Variants in TSC1 observed in about 807,000 individuals in gnomAD.
TSC1 encodes hamartin.
A neutral mutation model predicts 124.3 loss-of-function variants in TSC1; 20 were observed. The observed-to-expected ratio is 0.16, with a 90% CI of 0.11 to 0.23. The LOEUF is 0.23. TSC1 is among the 10% of genes least tolerant of loss of function. The probability of loss-of-function intolerance (pLI) is 1.00; values close to 1 mark genes in which losing one functional copy is unlikely to be tolerated. For synonymous variants in TSC1, 493 were observed against 539.1 expected, an observed-to-expected ratio of 0.91 and a Z score of 1.19; for missense variants, 1,124 against 1,448.5, an observed-to-expected ratio of 0.78 and a Z score of 3.64.
At chr9:132,898,122 T>C (rs1845181183) in intron 20 of TSC1, among the ~76,000 whole-genome samples, 1 of 152,244 alleles carries the variant, frequency 6.6e-6, no homozygotes, top group Admixed American at 6.5e-5. Context: ...TCACTTGCTT[T>C]CCTTTCTCCT....
intron 2 of TSC1, among the ~76,000 whole-genome samples, chr9:132,933,357 C>T (rs1303445419): frequency 6.6e-6 from 1 of 152,110 alleles, no homozygotes; most frequent in Non-Finnish European, 1.5e-5. Flanking sequence ...TGAGCCACCA[C>T]ACCTGGCCAA....
chr9:132,906,261 T>A lies in TSC1; in HGVS notation c.1439-122A>T, dbSNP rs1460153256. The A allele has an allele frequency of 4.2e-6, 5 of 1,177,384 alleles. No individual in the cohort carries two copies. The East Asian group carries it at 1.3e-4, about 30-fold the overall frequency. 72.9% of individuals were successfully genotyped at this position (1,177,384 alleles called of 1,614,324 possible). On this transcript the variant is annotated intron_variant, in intron 14 of 22. Transcript: ENST00000298552. The surrounding 1 kb of genome is among the most constrained non-coding windows in gnomAD (Gnocchi z 4.1). ...CTCAGAGAGAGGAGAAAAAGTGGCA[T>A]CCGGCTGGACACAGTGGCTCACGCC...
In TSC1 at chr9:132,923,815, G is replaced by C. The variant is rs1222133678; in HGVS notation, c.364-323C>G. On this transcript the variant is annotated intron_variant, in intron 5 of 22. Transcript: ENST00000298552. This position sits in a 1 kb window ranked among gnomAD's most constrained non-coding sequence, Gnocchi z 4.2. Reference sequence around the variant, plus strand: ...TTAGGATGCCCTATTGATAGCAGTTGGATGAAAACAAAAGGAGCTGCTTTT... The same window carrying C: ...TTAGGATGCCCTATTGATAGCAGTTCGATGAAAACAAAAGGAGCTGCTTTT... The C allele has an allele frequency of 7.3e-6, 2 of 273,484 alleles. No individual in the cohort carries two copies. The highest frequency in any genetic ancestry group is 4.4e-5 in the African/African-American group (2 of 45,850). The allele number at this position is 273,484 out of a possible 1,614,324, so 16.9% of individuals were successfully genotyped here. A position where few individuals can be genotyped will look rare whatever the true frequency, so the allele number is the denominator to read the frequency against.
chr9:132,902,916 C>G lies in TSC1; in HGVS notation c.2209-129G>C, dbSNP rs1845462747. 2 of 1,204,306 alleles carry G rather than the reference C, an allele frequency of 1.7e-6. No individual in the cohort carries two copies. Among genetic ancestry groups the G allele is most frequent in the South Asian group, 2.5e-5 (2 of 80,486 alleles). The allele number at this position is 1,204,306 out of a possible 1,614,324, so 74.6% of individuals were successfully genotyped here. A position where few individuals can be genotyped will look rare whatever the true frequency, so the allele number is the denominator to read the frequency against. On this transcript the variant is annotated intron_variant, in intron 17 of 22. Coordinates refer to ENST00000298552, the MANE Select transcript of TSC1 (RefSeq NM_000368.5). The surrounding 1 kb of genome is among the most constrained non-coding windows in gnomAD (Gnocchi z 5.2). ...ATGTAACTAACTACAGACCAAAACT[C>G]TTAGAGCTCACTACTGTCTTACTTG...
At position 132,896,913 on chromosome 9, in the gene TSC1, C is replaced by T. The variant is rs879079312; in HGVS notation, c.2976-159G>A. 6.6e-6 allele frequency among the ~76,000 whole-genome samples: 1 copy of T among 152,166 alleles called. No homozygotes were observed. Among genetic ancestry groups the T allele is most frequent in the South Asian group, 2.1e-4 (1 of 4,830 alleles). ...ACTCAAGAGATCTCATCAAGAGAAA[C>T]CTAAATCACAACTAGGGATAGTAGG... On this transcript the variant is annotated intron_variant, in intron 22 of 22. Transcript: ENST00000298552. This position sits in a 1 kb window ranked among gnomAD's most constrained non-coding sequence, Gnocchi z 4.5.
In TSC1 at chr9:132,928,908, G is replaced by A. The variant is rs772626361; in HGVS notation, c.-36C>T. ...GAAGGCGCTGTGCTGGCTCCAGGAC[G>A]TGTGCTACAGGTTCTGAAGGTTCTT... On this transcript the variant is annotated 5_prime_UTR_variant, in exon 3 of 23. It adds an upstream start codon to the 5' untranslated region. Coordinates refer to ENST00000298552, the MANE Select transcript of TSC1 (RefSeq NM_000368.5). 2.3e-5 allele frequency: 37 copies of A among 1,612,638 alleles called. No homozygotes were observed. Among genetic ancestry groups the A allele is most frequent in the African/African-American group, 5.3e-5 (4 of 74,898 alleles).
chr9:132,921,243 G>A lies in TSC1; in HGVS notation c.737+120C>T. On this transcript the variant is annotated intron_variant, in intron 8 of 22. Transcript: ENST00000298552. The surrounding 1 kb of genome is among the most constrained non-coding windows in gnomAD (Gnocchi z 4.3). ...TTTAGCTGTATGAGTGCTTCCAAGTGGACTGATTCTGTAAGTAGAACATCT... is the reference window on the plus strand; with the variant it reads ...TTTAGCTGTATGAGTGCTTCCAAGTAGACTGATTCTGTAAGTAGAACATCT... 9.4e-7 allele frequency: 1 copy of A among 1,061,934 alleles called. No individual in the cohort carries two copies. Among genetic ancestry groups the A allele is most frequent in the East Asian group, 2.6e-5 (1 of 38,660 alleles). The allele number at this position is 1,061,934 out of a possible 1,614,324, so 65.8% of individuals were successfully genotyped here. A position where few individuals can be genotyped will look rare whatever the true frequency, so the allele number is the denominator to read the frequency against.
At chr9:132,900,966 T>C in intron 19 of TSC1, 129 bp from the exon 20 acceptor site, 8 of 1,338,240 alleles carry the variant, frequency 6.0e-6, no homozygotes, top group Non-Finnish European at 8.4e-6. Context: ...GTCCCATGGG[T>C]TCACAGTCCC....
intron 4 of TSC1, chr9:132,926,011 C>G (rs760217438): frequency 1.9e-5 from 9 of 473,306 alleles, no homozygotes; most frequent in Non-Finnish European, 2.7e-5. Flanking sequence ...GTTCACAGCC[C>G]CTCAATAACC....
rs1263094349 is a variant in TSC1 at position 132,896,707 on chromosome 9, T to C, written c.3023A>G (p.Asn1008Ser). Residue 1008 changes from asparagine (N) to serine (S), a missense_variant, in exon 23 of 23, where the codon AAT becomes AGT. Asn to Ser is a conservative substitution (Grantham distance 46). This residue lies in a region of TSC1 where 325 missense variants were observed against 383.4 expected (regional missense o/e 0.85). Transcript: ENST00000298552. The surrounding 1 kb of genome is among the most constrained non-coding windows in gnomAD (Gnocchi z 4.5). The part of the protein sequence containing the change: ...DGCSDSMVGH[N>S]EEASGHNGET... Reference sequence around the variant, plus strand: ...ACCGTTGTGGCCAGATGCCTCTTCATTGTGCCCTACCATGGAATCTGAGCA... The same window carrying C: ...ACCGTTGTGGCCAGATGCCTCTTCACTGTGCCCTACCATGGAATCTGAGCA... 2.3e-5 allele frequency: 37 copies of C among 1,613,862 alleles called. No individual in the cohort carries two copies. Among genetic ancestry groups the C allele is most frequent in the Non-Finnish European group, 3.1e-5 (36 of 1,180,036 alleles).
At chr9:132,943,718 A>G (rs892553390) in intron 1 of TSC1, 2 of 152,208 alleles carry the variant, frequency 1.3e-5, no homozygotes, top group Non-Finnish European at 2.9e-5. Flanking sequence ...TGGCACACAG[A>G]GAGCACTCCA....
Position 132,923,567 on chromosome 9 carries a change from G to A in TSC1, c.364-75C>T. ...GGATCGGCATTGTACAGTACATGAAGAGGCTCTAAACACTGAGAGAATCAC... is the reference window on the plus strand; with the variant it reads ...GGATCGGCATTGTACAGTACATGAAAAGGCTCTAAACACTGAGAGAATCAC... On this transcript the variant is annotated intron_variant, in intron 5 of 22. Transcript: ENST00000298552. This position sits in a 1 kb window ranked among gnomAD's most constrained non-coding sequence, Gnocchi z 4.2. The A allele has an allele frequency of 2.5e-6, 4 of 1,601,804 alleles. No individual in the cohort carries two copies. The highest frequency in any genetic ancestry group is 3.4e-6 in the Non-Finnish European group (4 of 1,170,390).
intron 18 of TSC1, chr9:132,901,978 T>A: frequency 2.6e-6 from 1 of 388,358 alleles, no homozygotes; most frequent in Admixed American, 4.2e-5. Flanking sequence ...ACAGGGATGC[T>A]GCAGAAAGAT....
chr9:132,930,042 T>C (rs1347230848), intron 2 of TSC1, among the ~76,000 whole-genome samples: 1 of 152,152 alleles, frequency 6.6e-6, no homozygotes, highest in Non-Finnish European at 1.5e-5. Flanking sequence ...GGGATATGCA[T>C]GCCCAAAAAG....
Position 132,903,855 on chromosome 9 carries a change from T to C in TSC1, c.2042-38A>G. The C allele has an allele frequency of 1.9e-6, 3 of 1,612,012 alleles. No homozygotes were observed. Among genetic ancestry groups the C allele is most frequent in the African/African-American group, 2.7e-5 (2 of 74,974 alleles). Reference sequence around the variant, plus strand: ...CAGAGGGAGGGTGGCAGAAATGCCTTTTACAGATGGTTCAATCAAGCCCCC... The same window carrying C: ...CAGAGGGAGGGTGGCAGAAATGCCTCTTACAGATGGTTCAATCAAGCCCCC... On this transcript the variant is annotated intron_variant, in intron 16 of 22. Coordinates refer to ENST00000298552, the MANE Select transcript of TSC1 (RefSeq NM_000368.5). This position sits in a 1 kb window ranked among gnomAD's most constrained non-coding sequence, Gnocchi z 5.9.
chr9:132,903,941 G>C lies in TSC1; in HGVS notation c.2042-124C>G, dbSNP rs957874827. 18 of 1,160,956 alleles carry C rather than the reference G, an allele frequency of 1.6e-5. No individual in the cohort carries two copies. In the African/African-American group the frequency reaches 2.7e-4, roughly 18 times the overall value. 71.9% of individuals were successfully genotyped at this position (1,160,956 alleles called of 1,614,324 possible). On this transcript the variant is annotated intron_variant, in intron 16 of 22. Coordinates refer to ENST00000298552, the MANE Select transcript of TSC1 (RefSeq NM_000368.5). This position sits in a 1 kb window ranked among gnomAD's most constrained non-coding sequence, Gnocchi z 5.9. ...TTAAAAACAAATCACCACTCTCTTT[G>C]CAAATGACCACTTGACTCCCAGCAA...
intron 2 of TSC1, 142 bp from the exon 3 acceptor site, chr9:132,929,094 A>C (rs954104997): frequency 6.2e-6 from 4 of 645,078 alleles, no homozygotes; most frequent in African/African-American, 1.8e-5. Context: ...CAGTGAGTAC[A>C]TTTAGCTGAT....
At chr9:132,928,304 C>G (rs1847001566) in intron 3 of TSC1, among the ~76,000 whole-genome samples, 1 of 152,172 alleles carries the variant, frequency 6.6e-6, no homozygotes, top group Non-Finnish European at 1.5e-5. Flanking sequence ...ATGACTGATG[C>G]TCCAAAAGGC....
chr9:132,918,569 T>C (rs897893767), intron 8 of TSC1, among the ~76,000 whole-genome samples: 2 of 152,236 alleles, frequency 1.3e-5, no homozygotes, highest in Admixed American at 1.3e-4. Context: ...GTTGAGGGCA[T>C]GAGTGCCATT....
Sources: allele counts gnomAD v4.1 joint callset (sites outside exome capture counted in the v4.1 genomes callset), GRCh38; gene constraint gnomAD v4.1.1; regional missense constraint gnomAD v4.1.1; non-coding constraint Gnocchi (gnomAD v3.1); transcripts MANE v1.5; gene names NCBI Gene and HGNC (gene_info 2026-07-23, HGNC 2026-07-21).